KAT7: variants seen among roughly 807,000 people sequenced by gnomAD.
The protein encoded by KAT7 is histone acetyltransferase KAT7.
A neutral mutation model predicts 82.1 loss-of-function variants in KAT7; 10 were observed. That is an observed-to-expected ratio of 0.12 (90% CI 0.08 to 0.21). KAT7 has a LOEUF of 0.21. Ranked by LOEUF, KAT7 falls within the 10% of genes least tolerant of loss-of-function variation. The probability of loss-of-function intolerance (pLI) is 1.00; values close to 1 mark genes in which losing one functional copy is unlikely to be tolerated. For missense variants in KAT7, 378 were observed against 760.9 expected, an observed-to-expected ratio of 0.50 and a Z score of 5.92; for synonymous variants, 250 against 262.5, an observed-to-expected ratio of 0.95 and a Z score of 0.46.
intron 2 of KAT7, chr17:49,795,642 C>A: frequency 4.1e-6 from 1 of 246,326 alleles, no homozygotes; most frequent in Admixed American, 4.1e-5. Context: ...ACAAAAAGAA[C>A]AAAAGTAAGA....
chr17:49,817,682 G>A (rs1169904334), intron 8 of KAT7, 138 bp from the exon 9 acceptor site: 4 of 624,634 alleles, frequency 6.4e-6, no homozygotes, highest in African/African-American at 1.9e-5. Flanking sequence ...GGCCAGGCTG[G>A]TCTCGAACTC....
intron 6 of KAT7, 144 bp from the exon 7 acceptor site, chr17:49,811,329 ACTC>A: frequency 2.4e-6 from 1 of 423,522 alleles, no homozygotes; most frequent in Non-Finnish European, 4.4e-6. Context: ...CTGGTCTTGA[ACTC>A]CTGATCTCAG....
chr17:49,808,968 C>A, intron 5 of KAT7, 151 bp from the exon 6 acceptor site: 1 of 603,570 alleles, frequency 1.7e-6, no homozygotes, highest in Non-Finnish European at 3.0e-6. Flanking sequence ...CTTGCATTAT[C>A]TCTTTCTTGT....
chr17:49,790,138 G>GTA (rs1298457536), intron 1 of KAT7, among the ~76,000 whole-genome samples: 1 of 152,124 alleles, frequency 6.6e-6, no homozygotes, highest in Non-Finnish European at 1.5e-5. Flanking sequence ...GGTTGAAAAT[G>GTA]TACACTTTTT....
At chr17:49,801,029 A>G (rs2074018052) in intron 4 of KAT7, among the ~76,000 whole-genome samples, 2 of 152,188 alleles carry the variant, frequency 1.3e-5, no homozygotes, top group African/African-American at 4.8e-5. Context: ...CTTAGAGGCC[A>G]ATATACCTGG....
chr17:49,808,641 G>T (rs1019029417), intron 5 of KAT7, among the ~76,000 whole-genome samples: 9 of 151,682 alleles, frequency 5.9e-5, no homozygotes, highest in African/African-American at 2.2e-4. Context: ...TAATAGAGAC[G>T]GGGTTTCACC....
intron 3 of KAT7, 74 bp downstream of exon 3, chr17:49,797,000 C>A: frequency 2.4e-6 from 3 of 1,250,380 alleles, no homozygotes; most frequent in Non-Finnish European, 3.5e-6. Flanking sequence ...GGGCTTGGGG[C>A]CACTGCAGGT....
At chr17:49,821,898 A>T in intron 11 of KAT7, 108 bp downstream of exon 11, 9 of 888,450 alleles carry the variant, frequency 1.0e-5, no homozygotes, top group Non-Finnish European at 1.6e-5. Flanking sequence ...CTGGGCAATG[A>T]TGACACCCCT....
At chr17:49,789,224 C>T (rs536280231) in intron 1 of KAT7, 221 of 185,350 alleles carry the variant, frequency 1.2e-3, no homozygotes, top group African/African-American at 5.1e-3. Context: ...GAGAACGATC[C>T]CTCCTCTCCT....
At chr17:49,801,766 A>C (rs1382190835) in intron 4 of KAT7, among the ~76,000 whole-genome samples, 1 of 152,218 alleles carries the variant, frequency 6.6e-6, no homozygotes, top group Non-Finnish European at 1.5e-5. Flanking sequence ...TTGGGATTAC[A>C]GGCGTGAGCC....
At chr17:49,812,165 A>G (rs1313785724) in intron 7 of KAT7, among the ~76,000 whole-genome samples, 1 of 151,806 alleles carries the variant, frequency 6.6e-6, no homozygotes, top group Non-Finnish European at 1.5e-5. Flanking sequence ...CTTTTTCACA[A>G]TCTCTTATTT....
At chr17:49,800,935 T>C (rs2074017117) in intron 4 of KAT7, among the ~76,000 whole-genome samples, 1 of 152,108 alleles carries the variant, frequency 6.6e-6, no homozygotes, top group Non-Finnish European at 1.5e-5. Flanking sequence ...AGACTTGCTG[T>C]TGGAATATTT....
intron 4 of KAT7, among the ~76,000 whole-genome samples, chr17:49,804,303 C>T (rs1339016273): frequency 6.6e-6 from 1 of 151,490 alleles, no homozygotes; most frequent in African/African-American, 2.4e-5. Context: ...GGCGTGAACC[C>T]AGGAGGCGGA....
At chr17:49,825,895 A>T in intron 12 of KAT7, 105 bp from the exon 13 acceptor site, 1 of 1,135,296 alleles carries the variant, frequency 8.8e-7, no homozygotes, top group Non-Finnish European at 1.3e-6. Context: ...ATCCTAATGG[A>T]GTGGACTGTG....
chr17:49,827,389 G>A lies in KAT7; in HGVS notation c.1735-12G>A. Reference sequence around the variant, plus strand: ...AAAGTATGTAATCCTTTTTCCCATTGTTCTCCCTCAGGACCTGATTGATGA... The same window carrying A: ...AAAGTATGTAATCCTTTTTCCCATTATTCTCCCTCAGGACCTGATTGATGA... On this transcript the variant is annotated splice_polypyrimidine_tract_variant and intron_variant, in intron 14 of 14. Coordinates refer to ENST00000259021, the MANE Select transcript of KAT7 (RefSeq NM_007067.5). 4.6e-6 allele frequency: 7 copies of A among 1,533,360 alleles called. No individual in the cohort carries two copies. Among genetic ancestry groups the A allele is most frequent in the Non-Finnish European group, 4.5e-6 (5 of 1,107,922 alleles). The allele number at this position is 1,533,360 out of a possible 1,614,324, so 95.0% of individuals were successfully genotyped here. A position where few individuals can be genotyped will look rare whatever the true frequency, so the allele number is the denominator to read the frequency against.
chr17:49,812,573 A>G (rs114123195), intron 7 of KAT7, among the ~76,000 whole-genome samples: 1,981 of 152,258 alleles, frequency 0.013, 41 homozygotes, highest in African/African-American at 0.046. Flanking sequence ...GTATTAATAC[A>G]TGCTTACTAC....
intron 6 of KAT7, among the ~76,000 whole-genome samples, chr17:49,809,409 AT>A (rs2074133535): frequency 2.0e-5 from 3 of 152,234 alleles, no homozygotes; most frequent in Non-Finnish European, 4.4e-5. Flanking sequence ...GAATCATGCT[AT>A]CTACAGTAGT....
At chr17:49,801,341 C>A (rs879661597) in intron 4 of KAT7, among the ~76,000 whole-genome samples, 1 of 151,994 alleles carries the variant, frequency 6.6e-6, no homozygotes, top group African/African-American at 2.4e-5. Flanking sequence ...TGTGCCACCA[C>A]GCCTGGCTAA....
Position 49,830,815 on chromosome 17 carries a change from C to T in KAT7, c.*3313C>T, listed in dbSNP as rs2074419587. 6.6e-6 allele frequency: 1 copy of T among 152,166 alleles called. No individual in the cohort carries two copies. The highest frequency in any genetic ancestry group is 1.5e-5 in the Non-Finnish European group (1 of 68,026). The allele number at this position is 152,166 out of a possible 1,614,324, so 9.4% of individuals were successfully genotyped here. Reference sequence around the variant, plus strand: ...CGTTTTCTTCCACTATTTTTGATTCCTTAATGATGAATCATCCTCTCCCTT... The same window carrying T: ...CGTTTTCTTCCACTATTTTTGATTCTTTAATGATGAATCATCCTCTCCCTT... On this transcript the variant is annotated 3_prime_UTR_variant, in exon 15 of 15. Transcript: ENST00000259021.
Sources: allele counts gnomAD v4.1 joint callset (sites outside exome capture counted in the v4.1 genomes callset), GRCh38; gene constraint gnomAD v4.1.1; transcripts MANE v1.5; gene names NCBI Gene and HGNC (gene_info 2026-07-23, HGNC 2026-07-21).